The following PCDH15 variants were observed in gnomAD, a reference collection of about 807,000 sequenced individuals.
The protein encoded by PCDH15 is protocadherin-15.
PCDH15 carries 129 observed loss-of-function variants against 178.5 expected under a neutral mutation model. That is an observed-to-expected ratio of 0.72 (90% CI 0.63 to 0.84). PCDH15 has a LOEUF of 0.84. Ranked by LOEUF, PCDH15 falls within the 40% of genes least tolerant of loss-of-function variation. The pLI is 0.00. For missense variants in PCDH15, 2,230 were observed against 2,099.9 expected (o/e 1.06, Z -1.21); for synonymous variants, 800 against 732.0 (o/e 1.09, Z -1.50).
rs186050735 is a variant in PCDH15, at chr10:54,541,215, G to A, written c.92-13338C>T. Among the ~76,000 whole-genome samples the A allele has an allele frequency of 6.6e-5, 10 of 152,090 alleles. No homozygotes were observed. The East Asian group carries it at 1.7e-3, about 26-fold the overall frequency. On this transcript the variant is annotated intron_variant, in intron 2 of 37. Transcript: ENST00000644397. ...AAATGTACCCAAACACGAAACTAAA[G>A]AAGTCAAACTATCTCTTCTATAACC...
intron 2 of PCDH15, among the ~76,000 whole-genome samples, chr10:55,381,875 C>T (rs16907325): frequency 0.095 from 14,457 of 152,094 alleles, 765 homozygotes; most frequent in East Asian, 0.18. Flanking sequence ...ATCCCAATAC[C>T]CCTCACGCTG....
chr10:54,839,979 C>T (rs892703375), intron 3 of PCDH15, among the ~76,000 whole-genome samples: 4 of 151,282 alleles, frequency 2.6e-5, no homozygotes, highest in African/African-American at 9.7e-5. Context: ...ATCAAACAAA[C>T]AAAAAAAACA....
chr10:54,538,675 T>A (rs1033487616), intron 2 of PCDH15, among the ~76,000 whole-genome samples: 2 of 152,118 alleles, frequency 1.3e-5, no homozygotes, highest in African/African-American at 4.8e-5. Flanking sequence ...GATTTGCCCT[T>A]GCTGTTCTTG....
intron 2 of PCDH15, among the ~76,000 whole-genome samples, chr10:55,330,158 A>G (rs2132309439): frequency 6.6e-6 from 1 of 151,986 alleles, no homozygotes; most frequent in African/African-American, 2.4e-5. Flanking sequence ...GATTAAACTT[A>G]TTTTAATAGT....
At chr10:54,715,713 C>T (rs1222123379) in intron 1 of PCDH15, among the ~76,000 whole-genome samples, 2 of 152,172 alleles carry the variant, frequency 1.3e-5, no homozygotes, top group Non-Finnish European at 2.9e-5. Flanking sequence ...GCACTCCCTC[C>T]ACGTCACACT....
chr10:54,027,417 C>A (rs907410353), intron 18 of PCDH15, among the ~76,000 whole-genome samples: 2 of 152,142 alleles, frequency 1.3e-5, no homozygotes, highest in Non-Finnish European at 2.9e-5. Flanking sequence ...CAATGCCTTT[C>A]TTCACAGAAT....
intron 2 of PCDH15, among the ~76,000 whole-genome samples, chr10:54,547,877 C>T (rs955916794): frequency 1.3e-5 from 2 of 151,790 alleles, no homozygotes; most frequent in Admixed American, 1.3e-4. Flanking sequence ...TCCAAATTGG[C>T]TATGCCATTT....
At chr10:54,934,435 T>C (rs1446868350) in intron 2 of PCDH15, among the ~76,000 whole-genome samples, 1 of 152,112 alleles carries the variant, frequency 6.6e-6, no homozygotes, top group Non-Finnish European at 1.5e-5. Flanking sequence ...TGGGCTATGC[T>C]AAACTCATGG....
intron 2 of PCDH15, among the ~76,000 whole-genome samples, chr10:55,428,349 T>TA (rs1404934807): frequency 4.6e-5 from 7 of 151,874 alleles, no homozygotes; most frequent in Non-Finnish European, 8.8e-5. Context: ...TCAGTATGGA[T>TA]AAAAAATTCA....
intron 1 of PCDH15, among the ~76,000 whole-genome samples, chr10:54,690,801 A>T (rs2095107426): frequency 6.6e-6 from 1 of 152,068 alleles, no homozygotes; most frequent in African/African-American, 2.4e-5. Context: ...ATTATATTTG[A>T]AACTGTTTAT....
chr10:54,090,005 C>T lies in PCDH15; in HGVS notation c.1976G>A (p.Arg659Lys). Residue 659 changes from arginine (R) to lysine (K), a missense_variant, in exon 16 of 38, where the codon AGA becomes AAA. By Grantham distance (26) the Arg-to-Lys change is conservative. Coordinates refer to ENST00000644397, the MANE Select transcript of PCDH15 (RefSeq NM_001384140.1). ...TTACGTTTCTGAAAGATTAAAAACT[C>T]TCTGAGGATCTCCATTCTCAATGGC... ...TYAIENGDPQ[R>K]VFNLSETTGI... The T allele has an allele frequency of 3.7e-6, 6 of 1,611,834 alleles. No homozygotes were observed. The Middle Eastern group carries it at 6.6e-4, about 178-fold the overall frequency.
chr10:53,808,438 T>TATTG, intron 37 of PCDH15: 1 of 1,226,792 alleles, frequency 8.2e-7, no homozygotes, highest in South Asian at 2.9e-5. Flanking sequence ...AAATATTAAA[T>TATTG]ATTGATTAGC....
chr10:53,894,262 T>C (rs1467108906), intron 26 of PCDH15, among the ~76,000 whole-genome samples: 2 of 152,280 alleles, frequency 1.3e-5, no homozygotes, highest in South Asian at 2.1e-4. Flanking sequence ...TACAGGGTCA[T>C]AGTCAAGAAG....
At chr10:55,519,959 C>T (rs759284253) in intron 2 of PCDH15, among the ~76,000 whole-genome samples, 8 of 148,806 alleles carry the variant, frequency 5.4e-5, no homozygotes, top group South Asian at 2.1e-4. Flanking sequence ...GTCAGTAACG[C>T]GGGATAAATG....
intron 2 of PCDH15, among the ~76,000 whole-genome samples, chr10:55,495,772 G>A (rs4935135): frequency 0.73 from 110,611 of 151,692 alleles, 40,964 homozygotes; most frequent in East Asian, 0.99. Flanking sequence ...CCACACAAAA[G>A]CTGTATACAA....
At chr10:55,365,676 G>A (rs962868525) in intron 2 of PCDH15, among the ~76,000 whole-genome samples, 10 of 152,056 alleles carry the variant, frequency 6.6e-5, no homozygotes, top group African/African-American at 2.4e-4. Context: ...TTAAAAAGGG[G>A]AGTTCCCCTG....
chr10:53,939,324 T>C (rs2085847274), intron 24 of PCDH15, among the ~76,000 whole-genome samples: 1 of 152,160 alleles, frequency 6.6e-6, no homozygotes, highest in South Asian at 2.1e-4. Flanking sequence ...AAGAAAACCA[T>C]CTAATTTTGT....
intron 8 of PCDH15, among the ~76,000 whole-genome samples, chr10:54,243,571 C>A (rs141301658): frequency 1.3e-5 from 2 of 152,240 alleles, no homozygotes; most frequent in Admixed American, 6.5e-5. Flanking sequence ...TACTATTTTC[C>A]TCAAAGCTCT....
intron 2 of PCDH15, among the ~76,000 whole-genome samples, chr10:55,391,504 G>A (rs569926103): frequency 6.6e-6 from 1 of 151,742 alleles, no homozygotes; most frequent in Admixed American, 6.6e-5. Context: ...TGGGGGGTGG[G>A]GGGATGGAGT....
Sources: gnomAD v4.1 joint callset for allele counts (sites outside exome capture counted in the v4.1 genomes callset) on GRCh38, gnomAD v4.1.1 for gene constraint, MANE v1.5 for transcripts, NCBI Gene and HGNC (gene_info 2026-07-23, HGNC 2026-07-21) for gene names.